Variants in PCDHGA1 observed in about 807,000 individuals in gnomAD.
The protein encoded by PCDHGA1 is protocadherin gamma subfamily A, 1.
PCDHGA1 carries 32 observed loss-of-function variants against 58.0 expected under a neutral mutation model. The ratio of observed to expected loss-of-function variants is 0.55; its 90% CI spans 0.42 to 0.74. The LOEUF is 0.74. PCDHGA1 is among the 30% of genes least tolerant of loss of function. The pLI is 0.00. For synonymous variants in PCDHGA1, 498 were observed against 501.1 expected (o/e 0.99, Z 0.08); for missense variants, 1,205 against 1,182.3 (o/e 1.02, Z -0.28).
chr5:141,428,368 C>T, intron 1 of PCDHGA1: 1 of 545,002 alleles, frequency 1.8e-6, no homozygotes, highest in Non-Finnish European at 3.4e-6. Context: ...GGTCGCCTTG[C>T]ACCTGCGATG....
At chr5:141,386,658 G>A (rs191902245) in intron 1 of PCDHGA1, among the ~76,000 whole-genome samples, 60 of 151,932 alleles carry the variant, frequency 3.9e-4, no homozygotes, top group African/African-American at 1.4e-3. Context: ...TACAAGTTCT[G>A]CAGTGTTCAC....
Position 141,489,400 on chromosome 5 carries a change from T to A in PCDHGA1, c.2422-5407T>A. 6.2e-7 allele frequency: 1 copy of A among 1,614,134 alleles called. No individual in the cohort carries two copies. Among genetic ancestry groups the A allele is most frequent in the Non-Finnish European group, 8.5e-7 (1 of 1,180,020 alleles). On this transcript the variant is annotated intron_variant, in intron 1 of 3. Transcript: ENST00000517417. This position sits in a 1 kb window ranked among gnomAD's most constrained non-coding sequence, Gnocchi z 4.5. ...GGGGAATGTTGCTCAGGATCTGGGC[T>A]TAAAGATGACAGATCTGTTGAGCCG...
At chr5:141,403,119 C>T in intron 1 of PCDHGA1, 1 of 1,614,060 alleles carries the variant, frequency 6.2e-7, no homozygotes, top group Non-Finnish European at 8.5e-7. Flanking sequence ...GCTCTGGAGC[C>T]CCGGGAGCTG....
At chr5:141,407,276 T>C (rs1393118660) in intron 1 of PCDHGA1, among the ~76,000 whole-genome samples, 2 of 152,292 alleles carry the variant, frequency 1.3e-5, no homozygotes, top group East Asian at 3.9e-4. Context: ...AACAAGAAAA[T>C]TGTTACAATT....
chr5:141,356,021 A>G lies in PCDHGA1; in HGVS notation c.2421+22916A>G, dbSNP rs752812560. The G allele has an allele frequency of 3.1e-6, 5 of 1,613,992 alleles. No individual in the cohort carries two copies. Among genetic ancestry groups the G allele is most frequent in the Non-Finnish European group, 4.2e-6 (5 of 1,179,894 alleles). ...GCCACTGATCCAGATGAAGGAGCCA[A>G]TGGAGACGTGACGTATTCTTTCCGG... On this transcript the variant is annotated intron_variant, in intron 1 of 3. Transcript: ENST00000517417.
chr5:141,375,065 C>T (rs1366674805), intron 1 of PCDHGA1: 36 of 1,613,814 alleles, frequency 2.2e-5, no homozygotes, highest in Middle Eastern at 1.6e-4. Context: ...GCCAGGTCTT[C>T]GAGACAGAGC....
At chr5:141,407,910 G>A in intron 1 of PCDHGA1, 1 of 428,786 alleles carries the variant, frequency 2.3e-6, no homozygotes, top group Non-Finnish European at 4.1e-6. Flanking sequence ...GAAAAACCGG[G>A]CTGCTGTCCC....
chr5:141,366,257 G>C (rs1420756511), intron 1 of PCDHGA1: 1 of 1,613,694 alleles, frequency 6.2e-7, no homozygotes, highest in Non-Finnish European at 8.5e-7. Context: ...GCAGAGCCTC[G>C]TGGTGGCCGT....
At chr5:141,387,764 A>AT (rs1054166588) in intron 1 of PCDHGA1, 8 of 1,430,464 alleles carry the variant, frequency 5.6e-6, no homozygotes, top group Non-Finnish European at 7.4e-6. Context: ...AAAAAGAAGA[A>AT]TTTTTTCTTG....
intron 1 of PCDHGA1, chr5:141,478,565 T>C (rs772519746): frequency 1.6e-5 from 25 of 1,593,862 alleles, no homozygotes; most frequent in Non-Finnish European, 2.0e-5. Flanking sequence ...TAGCAAGTCA[T>C]GCTTGACCCT....
At chr5:141,470,302 C>A (rs996558051) in intron 1 of PCDHGA1, among the ~76,000 whole-genome samples, 5 of 152,188 alleles carry the variant, frequency 3.3e-5, no homozygotes, top group African/African-American at 1.2e-4. Context: ...GTTTTTATTC[C>A]ATTTTTCCTC....
At chr5:141,376,643 A>G (rs1465583488) in intron 1 of PCDHGA1, 17 of 1,013,920 alleles carry the variant, frequency 1.7e-5, no homozygotes, top group Non-Finnish European at 2.4e-5. Context: ...GATTTTGTAA[A>G]GTGGAAGACT....
chr5:141,489,477 G>C lies in PCDHGA1; in HGVS notation c.2422-5330G>C, dbSNP rs2154581232. 1.9e-6 allele frequency: 3 copies of C among 1,614,108 alleles called. No homozygotes were observed. Among genetic ancestry groups the C allele is most frequent in the Non-Finnish European group, 2.5e-6 (3 of 1,180,034 alleles). ...ATGGGCGCTATTTTTCCCTGAGCTT[G>C]ATGAGTGGTGCCCTGGCAGTGAATC... is the stretch of plus-strand genomic sequence containing the variant. On this transcript the variant is annotated intron_variant, in intron 1 of 3. Coordinates refer to ENST00000517417, the MANE Select transcript of PCDHGA1 (RefSeq NM_018912.3). This position sits in a 1 kb window ranked among gnomAD's most constrained non-coding sequence, Gnocchi z 4.5.
At chr5:141,395,535 C>T in intron 1 of PCDHGA1, 1 of 331,902 alleles carries the variant, frequency 3.0e-6, no homozygotes, top group Non-Finnish European at 5.4e-6. Flanking sequence ...GGTAATTTTG[C>T]TATTGTTTGT....
At chr5:141,406,650 C>T (rs2094835563) in intron 1 of PCDHGA1, among the ~76,000 whole-genome samples, 1 of 152,130 alleles carries the variant, frequency 6.6e-6, no homozygotes, top group Non-Finnish European at 1.5e-5. Context: ...TTTCCTAATG[C>T]TTTAATGTTA....
chr5:141,376,111 C>A, intron 1 of PCDHGA1: 1 of 1,613,822 alleles, frequency 6.2e-7, no homozygotes, highest in Non-Finnish European at 8.5e-7. Flanking sequence ...CCGACCTGGG[C>A]AGCCTCGAGC....
chr5:141,462,122 C>T (rs1437400069), intron 1 of PCDHGA1, among the ~76,000 whole-genome samples: 1 of 152,044 alleles, frequency 6.6e-6, no homozygotes, highest in South Asian at 2.1e-4. Context: ...TGCACCCAGT[C>T]CAATTTTTTG....
At position 141,476,359 on chromosome 5, in the gene PCDHGA1, G is replaced by A; in HGVS notation, c.2422-18448G>A. On this transcript the variant is annotated intron_variant, in intron 1 of 3. Coordinates refer to ENST00000517417, the MANE Select transcript of PCDHGA1 (RefSeq NM_018912.3). This position sits in a 1 kb window ranked among gnomAD's most constrained non-coding sequence, Gnocchi z 7.6. ...GCCGAAGATTCTTTGAGGTGAACCG[G>A]GAGACCGGAGAGATGTTTGTGAACG... The A allele has an allele frequency of 6.2e-7, 1 of 1,614,170 alleles. No individual in the cohort carries two copies. The highest frequency in any genetic ancestry group is 8.5e-7 in the Non-Finnish European group (1 of 1,180,020).
intron 1 of PCDHGA1, chr5:141,352,001 G>T (rs1036324795): frequency 3.1e-6 from 5 of 1,610,532 alleles, no homozygotes; most frequent in African/African-American, 1.3e-5. Context: ...CGCAGAGCCC[G>T]GCTACCTGGT....
Sources: gnomAD v4.1 joint callset for allele counts (sites outside exome capture counted in the v4.1 genomes callset) on GRCh38, gnomAD v4.1.1 for gene constraint, Gnocchi (gnomAD v3.1) non-coding constraint, MANE v1.5 for transcripts, NCBI Gene and HGNC (gene_info 2026-07-23, HGNC 2026-07-21) for gene names.